TEAD1: variants seen among roughly 807,000 people sequenced by gnomAD.
The protein encoded by TEAD1 is TEA domain transcription factor 1.
Under a neutral mutation model 54.9 loss-of-function variants are expected in TEAD1, and 9 were observed. That is an observed-to-expected ratio of 0.16 (90% CI 0.10 to 0.29). TEAD1 has a LOEUF of 0.29. Ranked by LOEUF, TEAD1 falls within the 10% of genes least tolerant of loss-of-function variation. The pLI is 1.00. For missense variants in TEAD1, 387 were observed against 535.9 expected, an observed-to-expected ratio of 0.72 and a Z score of 2.74; for synonymous variants, 200 against 187.8, an observed-to-expected ratio of 1.07 and a Z score of -0.53.
intron 2 of TEAD1, among the ~76,000 whole-genome samples, chr11:12,712,612 A>T (rs189152998): frequency 5.9e-5 from 9 of 152,306 alleles, no homozygotes; most frequent in African/African-American, 2.2e-4. Context: ...TTAAGTACTT[A>T]AATGTTATTA....
At chr11:12,897,192 C>CT (rs898575402) in intron 9 of TEAD1, among the ~76,000 whole-genome samples, 6 of 152,232 alleles carry the variant, frequency 3.9e-5, no homozygotes, top group Non-Finnish European at 8.8e-5. Flanking sequence ...TAGAATTGCC[C>CT]TTTTTTTGTT....
chr11:12,883,185 C>T lies in TEAD1; in HGVS notation c.699+60C>T, dbSNP rs1948004888. 1.2e-5 allele frequency: 19 copies of T among 1,608,184 alleles called. 3 individuals carry two copies. The South Asian group carries it at 2.1e-4, about 18-fold the overall frequency. ...GGATTTCTTTCCCTTTACTGTTTAC[C>T]TCCTTGCTTCTCTTTCTTTCCTCCT... On this transcript the variant is annotated intron_variant, in intron 9 of 12. Coordinates refer to ENST00000527636, the MANE Select transcript of TEAD1 (RefSeq NM_021961.6).
intron 2 of TEAD1, among the ~76,000 whole-genome samples, chr11:12,755,715 T>C (rs140402636): frequency 6.6e-6 from 1 of 152,240 alleles, no homozygotes; most frequent in Non-Finnish European, 1.5e-5. Context: ...TGACTTGGGC[T>C]ACGAGTCATG....
At chr11:12,680,817 C>T (rs1355518124) in intron 2 of TEAD1, among the ~76,000 whole-genome samples, 1 of 152,186 alleles carries the variant, frequency 6.6e-6, no homozygotes, top group Non-Finnish European at 1.5e-5. Context: ...TCTGATGGTG[C>T]TTTCTGGGTA....
intron 11 of TEAD1, among the ~76,000 whole-genome samples, chr11:12,927,507 T>C (rs369006808): frequency 1.3e-5 from 2 of 152,358 alleles, no homozygotes; most frequent in South Asian, 2.1e-4. Context: ...CTTTTTCATA[T>C]ATTTTCTAAG....
At chr11:12,778,325 C>T (rs1945472243) in intron 3 of TEAD1, among the ~76,000 whole-genome samples, 1 of 152,058 alleles carries the variant, frequency 6.6e-6, no homozygotes. Context: ...TCCAGGTAAA[C>T]AATAGAAAAG....
intron 10 of TEAD1, chr11:12,904,832 C>A: frequency 2.9e-6 from 1 of 347,042 alleles, no homozygotes; most frequent in Admixed American, 3.7e-5. Flanking sequence ...TTTGCAGTAT[C>A]GTACATGATC....
At chr11:12,851,855 G>T (rs1364970181) in intron 3 of TEAD1, among the ~76,000 whole-genome samples, 1 of 151,990 alleles carries the variant, frequency 6.6e-6, no homozygotes, top group African/African-American at 2.4e-5. Flanking sequence ...CCAGATCTGG[G>T]GTCACAGAGA....
chr11:12,753,072 G>A (rs1317671552), intron 2 of TEAD1, among the ~76,000 whole-genome samples: 2 of 145,922 alleles, frequency 1.4e-5, no homozygotes, highest in African/African-American at 5.1e-5. Flanking sequence ...CTCAACTCCT[G>A]CGCTGAAGCA....
intron 3 of TEAD1, among the ~76,000 whole-genome samples, chr11:12,858,076 G>A (rs897562931): frequency 2.0e-5 from 3 of 152,124 alleles, no homozygotes; most frequent in African/African-American, 7.2e-5. Context: ...CTGCACTCCA[G>A]CCAGGGTGAT....
At chr11:12,895,220 A>G (rs1357307471) in intron 9 of TEAD1, among the ~76,000 whole-genome samples, 2 of 151,790 alleles carry the variant, frequency 1.3e-5, no homozygotes, top group African/African-American at 4.8e-5. Flanking sequence ...GTATCTCAGA[A>G]GCCCTTTGCA....
At chr11:12,725,997 C>T (rs949432647) in intron 2 of TEAD1, among the ~76,000 whole-genome samples, 10 of 152,188 alleles carry the variant, frequency 6.6e-5, no homozygotes, top group African/African-American at 1.9e-4. Flanking sequence ...CATCCTTCCA[C>T]GCGTCCAACA....
chr11:12,837,854 G>A (rs1946938881), intron 3 of TEAD1, among the ~76,000 whole-genome samples: 1 of 139,926 alleles, frequency 7.1e-6, no homozygotes, highest in South Asian at 2.3e-4. Flanking sequence ...CCAGGCTAGA[G>A]TGCAATGGCG....
chr11:12,677,374 G>C lies in TEAD1; in HGVS notation c.-55+1813G>C, dbSNP rs1054203604. Among the ~76,000 whole-genome samples, 9 of 152,188 alleles carry C rather than the reference G, an allele frequency of 5.9e-5. No homozygotes were observed. In the East Asian group the frequency reaches 7.7e-4, roughly 13 times the overall value. On this transcript the variant is annotated intron_variant, in intron 2 of 12. Coordinates refer to ENST00000527636, the MANE Select transcript of TEAD1 (RefSeq NM_021961.6). The stretch of plus-strand genomic sequence containing the variant: ...AGGGCGGGTTTGGGAGGGCAGCCTG[G>C]GGGGAGTCGGCTTCCTCCTCCCTTT...
At chr11:12,930,626 T>C (rs1948995524) in intron 12 of TEAD1, among the ~76,000 whole-genome samples, 1 of 152,226 alleles carries the variant, frequency 6.6e-6, no homozygotes, top group Admixed American at 6.5e-5. Flanking sequence ...TAGAAAGGCC[T>C]GGAGAACTTT....
At chr11:12,676,847 G>C (rs1437843331) in intron 2 of TEAD1, among the ~76,000 whole-genome samples, 3 of 152,024 alleles carry the variant, frequency 2.0e-5, no homozygotes, top group African/African-American at 4.8e-5. Context: ...TTTATTGTTG[G>C]TATAAAAAAT....
rs572161836 is a variant in TEAD1 at position 12,798,703 on chromosome 11, G to C, written c.202+34269G>C. ...AATGAAGAAAACACCTTGTATTTAC[G>C]GTTGAGTTTGGCACCAAATCAGCAC... On this transcript the variant is annotated intron_variant, in intron 3 of 12. Transcript: ENST00000527636. Among the ~76,000 whole-genome samples the C allele has an allele frequency of 7.2e-5, 11 of 152,226 alleles. No individual in the cohort carries two copies. The East Asian group carries it at 7.7e-4, about 11-fold the overall frequency.
chr11:12,803,070 A>G (rs2133978216), intron 3 of TEAD1, among the ~76,000 whole-genome samples: 1 of 151,828 alleles, frequency 6.6e-6, no homozygotes, highest in East Asian at 1.9e-4. Flanking sequence ...CTGGGAAAAC[A>G]GAAGTTGCGC....
intron 2 of TEAD1, among the ~76,000 whole-genome samples, chr11:12,760,675 G>A (rs544407284): frequency 2.6e-5 from 4 of 152,104 alleles, no homozygotes; most frequent in Admixed American, 6.5e-5. Flanking sequence ...ATTCAGAATC[G>A]AGGTAATTTG....
Sources: allele counts gnomAD v4.1 joint callset (sites outside exome capture counted in the v4.1 genomes callset), GRCh38; gene constraint gnomAD v4.1.1; transcripts MANE v1.5; gene names NCBI Gene and HGNC (gene_info 2026-07-23, HGNC 2026-07-21).